The following ACSM5 variants were observed in gnomAD, a reference collection of about 807,000 sequenced individuals.
The protein encoded by ACSM5 is acyl-coenzyme A synthetase ACSM5, mitochondrial.
ACSM5 carries 56 observed loss-of-function variants against 71.6 expected under a neutral mutation model. The observed-to-expected ratio is 0.78, with a 90% CI of 0.63 to 0.98. The LOEUF is 0.98. Among genes scored for constraint, ACSM5 ranks in the 50% least tolerant of loss-of-function variants. The probability of loss-of-function intolerance (pLI) is 0.00; values close to 1 mark genes in which losing one functional copy is unlikely to be tolerated. For missense variants in ACSM5, 723 were observed against 726.0 expected, an observed-to-expected ratio of 1.00 and a Z score of 0.05; for synonymous variants, 285 against 281.5, an observed-to-expected ratio of 1.01 and a Z score of -0.12.
Position 20,440,458 on chromosome 16 carries a change from C to G in ACSM5, c.*31C>G. Reference sequence around the variant, plus strand: ...ACCCCAGGAAGGCCCCGTAGACCTCCGAAGACTCCACAAGAAACTAATGGA... The same window carrying G: ...ACCCCAGGAAGGCCCCGTAGACCTCGGAAGACTCCACAAGAAACTAATGGA... On this transcript the variant is annotated 3_prime_UTR_variant, in exon 14 of 14. Transcript: ENST00000331849. The G allele has an allele frequency of 1.3e-6, 2 of 1,576,016 alleles. No individual in the cohort carries two copies. The highest frequency in any genetic ancestry group is 1.7e-6 in the Non-Finnish European group (2 of 1,145,058).
chr16:20,416,600 T>C (rs766616782), intron 2 of ACSM5, among the ~76,000 whole-genome samples: 12 of 152,218 alleles, frequency 7.9e-5, no homozygotes, highest in Non-Finnish European at 1.6e-4. Context: ...AAGACCTAAA[T>C]GAAGAAACAT....
chr16:20,435,222 G>A (rs1408951151), intron 10 of ACSM5, among the ~76,000 whole-genome samples: 1 of 152,064 alleles, frequency 6.6e-6, no homozygotes, highest in Non-Finnish European at 1.5e-5. Flanking sequence ...TAGTAGAGAT[G>A]GGGTTTCTCC....
Position 20,440,597 on chromosome 16 carries a change from G to T in ACSM5, c.*170G>T. On this transcript the variant is annotated 3_prime_UTR_variant, in exon 14 of 14. Transcript: ENST00000331849. ...CTGGGCAATGCTGGAAAGAGCAAAA[G>T]AATATCATTGGCCCTGATCACATAG... 1 of 619,300 alleles carries T rather than the reference G, an allele frequency of 1.6e-6. No homozygotes were observed. Among genetic ancestry groups the T allele is most frequent in the Non-Finnish European group, 2.9e-6 (1 of 342,976 alleles). 38.4% of individuals were successfully genotyped at this position (619,300 alleles called of 1,614,324 possible). A position where few individuals can be genotyped will look rare whatever the true frequency, so the allele number is the denominator to read the frequency against.
intron 2 of ACSM5, among the ~76,000 whole-genome samples, chr16:20,417,839 A>G (rs1966860194): frequency 6.6e-6 from 1 of 152,224 alleles, no homozygotes; most frequent in Non-Finnish European, 1.5e-5. Flanking sequence ...TATGCAAAAA[A>G]CTAATAAAAT....
intron 8 of ACSM5, among the ~76,000 whole-genome samples, chr16:20,430,659 A>G (rs1289713037): frequency 6.6e-6 from 1 of 151,824 alleles, no homozygotes; most frequent in Non-Finnish European, 1.5e-5. Context: ...AACAAAGAAG[A>G]AGGGAGGAGA....
intron 6 of ACSM5, among the ~76,000 whole-genome samples, chr16:20,427,552 T>C (rs1170984354): frequency 6.6e-6 from 1 of 152,268 alleles, no homozygotes; most frequent in Non-Finnish European, 1.5e-5. Flanking sequence ...TTCATCACCT[T>C]GGCAGTATGC....
intron 10 of ACSM5, among the ~76,000 whole-genome samples, chr16:20,432,812 C>T (rs1214665284): frequency 2.1e-4 from 30 of 145,126 alleles, no homozygotes; most frequent in African/African-American, 7.3e-4. Flanking sequence ...CTTTCCGTCA[C>T]CTGTACCAAC....
rs761961501 is a variant in ACSM5, at chr16:20,419,332, C to G, written c.520C>G (p.Pro174Ala). The part of the protein sequence containing the change: ...KSIITSDSLA[P>A]RVDAISAECP... ...CATTATCACCAGTGACTCCCTAGCTCCAAGGGTGGATGCCATCAGTGCCGA... is the reference window on the plus strand; with the variant it reads ...CATTATCACCAGTGACTCCCTAGCTGCAAGGGTGGATGCCATCAGTGCCGA... Residue 174 changes from proline to alanine, a missense_variant, in exon 4 of 14, where the codon CCA becomes GCA. By Grantham distance (27) the Pro-to-Ala change is conservative. Transcript: ENST00000331849. The G allele has an allele frequency of 3.7e-6, 6 of 1,614,130 alleles. No individual in the cohort carries two copies. Among genetic ancestry groups the G allele is most frequent in the Middle Eastern group, 3.3e-4 (2 of 6,062 alleles).
rs768981168 is a variant in ACSM5, at chr16:20,431,287, C to G, written c.1274C>G (p.Pro425Arg). 1.2e-5 allele frequency: 20 copies of G among 1,614,104 alleles called. No individual in the cohort carries two copies. In the East Asian group the frequency reaches 1.3e-4, roughly 11 times the overall value. ...EEGNVAVRIR[P>R]TRPFCFFNCY... is the part of the protein sequence containing the mutation. ...GGGAATGTTGCCGTCCGTATCAGAC[C>G]CACTCGGCCCTTCTGTTTCTTCAAT... The change falls in exon 10 of 14, where the codon CCC becomes CGC. Residue 425 changes from proline to arginine, a missense_variant. Physicochemically the swap from Pro to Arg is moderately radical, Grantham distance 103. Coordinates refer to ENST00000331849, the MANE Select transcript of ACSM5 (RefSeq NM_017888.3).
intron 7 of ACSM5, among the ~76,000 whole-genome samples, chr16:20,428,728 G>C (rs962497188): frequency 1.2e-4 from 18 of 152,156 alleles, no homozygotes; most frequent in African/African-American, 4.1e-4. Context: ...TGATGATTTT[G>C]GCTGAAAGCA....
At chr16:20,419,190 C>T in intron 3 of ACSM5, 38 bp from the exon 4 acceptor site, 1 of 1,608,602 alleles carries the variant, frequency 6.2e-7, no homozygotes, top group South Asian at 1.1e-5. Context: ...AAGGCCTTCC[C>T]CGCTATCCAC....
chr16:20,438,362 T>C (rs1408526723), intron 12 of ACSM5, among the ~76,000 whole-genome samples: 1 of 151,912 alleles, frequency 6.6e-6, no homozygotes, highest in Non-Finnish European at 1.5e-5. Context: ...GAGATTCTTG[T>C]TTAAAATATA....
At chr16:20,435,414 A>G (rs1216737656) in intron 10 of ACSM5, among the ~76,000 whole-genome samples, 2 of 152,066 alleles carry the variant, frequency 1.3e-5, no homozygotes, top group African/African-American at 2.4e-5. Context: ...CATCTCAGAG[A>G]TTTTGTGTTA....
chr16:20,417,940 C>T lies in ACSM5; in HGVS notation c.205-119C>T, dbSNP rs568741016. 1.6e-4 allele frequency: 155 copies of T among 996,160 alleles called. 3 individuals carry two copies. In the South Asian group the frequency reaches 2.4e-3, roughly 16 times the overall value. 61.7% of individuals were successfully genotyped at this position (996,160 alleles called of 1,614,324 possible). Reference sequence around the variant, plus strand: ...TTTCAATGCATGTCTTTCCATATTGCTTTGCTTTTTGAACCCTGTGAATTT... The same window carrying T: ...TTTCAATGCATGTCTTTCCATATTGTTTTGCTTTTTGAACCCTGTGAATTT... On this transcript the variant is annotated intron_variant, in intron 2 of 13. Coordinates refer to ENST00000331849, the MANE Select transcript of ACSM5 (RefSeq NM_017888.3).
chr16:20,411,635 G>GAGTA lies in ACSM5; in HGVS notation c.152_155dup (p.Tyr52Ter), dbSNP rs542181968. ...CAGCCTGGGAAGGCAGCTGGTGCCTGAGTACTTCAACTTCGCCCATGATGT... is the reference window on the plus strand; with the variant it reads ...CAGCCTGGGAAGGCAGCTGGTGCCTGAGTAAGTACTTCAACTTCGCCCATGATGT... On this transcript the variant is annotated stop_gained and frameshift_variant, in exon 2 of 14. Coordinates refer to ENST00000331849, the MANE Select transcript of ACSM5 (RefSeq NM_017888.3). LOFTEE classifies it high-confidence loss of function. The GAGTA allele has an allele frequency of 3.3e-4, 528 of 1,614,170 alleles. 1 individual carries two copies. In the South Asian group the frequency reaches 5.5e-3, roughly 17 times the overall value.
Position 20,424,021 on chromosome 16 carries a change from C to G in ACSM5, c.873C>G (p.Cys291Trp). The G allele has an allele frequency of 6.2e-7, 1 of 1,614,144 alleles. No individual in the cohort carries two copies. Among genetic ancestry groups the G allele is most frequent in the Non-Finnish European group, 8.5e-7 (1 of 1,180,012 alleles). Reference protein sequence around the residue: ...TLFSAWPNGSCIFVHELPRVD... With the variant: ...TLFSAWPNGSWIFVHELPRVD... ...TCTCTGCCTGGCCTAATGGATCTTG[C>G]ATTTTTGTGCATGAGCTGCCCCGAG... Residue 291 changes from cysteine to tryptophan, a missense_variant, in exon 6 of 14, where the codon TGC (cysteine) becomes TGG (tryptophan). Transcript: ENST00000331849.
chr16:20,423,610 AAATGTTGGCTAAAT>A (rs1190356438), intron 5 of ACSM5, among the ~76,000 whole-genome samples: 16 of 152,252 alleles, frequency 1.1e-4, no homozygotes, highest in Non-Finnish European at 1.9e-4. Flanking sequence ...AATGCTAAAT[AAATGTTGGCTAAAT>A]AAAGTGACCT....
intron 10 of ACSM5, among the ~76,000 whole-genome samples, chr16:20,435,657 G>A (rs569999571): frequency 7.1e-4 from 108 of 152,204 alleles, no homozygotes; most frequent in Middle Eastern, 3.4e-3. Flanking sequence ...ATTGTTTGTC[G>A]TCAGTATATA....
chr16:20,421,636 T>C lies in ACSM5; in HGVS notation c.767+235T>C, dbSNP rs865908832. 5.8e-4 allele frequency among the ~76,000 whole-genome samples: 79 copies of C among 136,652 alleles called. 1 individual carries two copies. The highest frequency in any genetic ancestry group is 2.4e-3 in the African/African-American group (75 of 31,836). The allele number at this position is 136,652 out of a possible 152,430, so 89.6% of individuals were successfully genotyped here. ...GTGGCTATATATATATATATATATA[T>C]ATATATATATATATATATATACACA... On this transcript the variant is annotated intron_variant, in intron 5 of 13. Coordinates refer to ENST00000331849, the MANE Select transcript of ACSM5 (RefSeq NM_017888.3).
Sources: allele counts gnomAD v4.1 joint callset (sites outside exome capture counted in the v4.1 genomes callset), GRCh38; gene constraint gnomAD v4.1.1; transcripts MANE v1.5; gene names NCBI Gene and HGNC (gene_info 2026-07-23, HGNC 2026-07-21).